Variants in BCAS4 observed in about 807,000 individuals in gnomAD.
BCAS4 encodes breast carcinoma-amplified sequence 4.
In BCAS4, 9 loss-of-function variants were observed where a neutral mutation model predicts 15.7. That is an observed-to-expected ratio of 0.57 (90% CI 0.34 to 1.00). BCAS4 has a LOEUF of 1.00. Among genes scored for constraint, BCAS4 ranks in the 50% least tolerant of loss-of-function variants. The pLI, the probability that BCAS4 is intolerant of heterozygous loss-of-function variation, is 0.02. For synonymous variants in BCAS4, 101 were observed against 99.5 expected, an observed-to-expected ratio of 1.02 and a Z score of -0.09; for missense variants, 225 against 239.1, an observed-to-expected ratio of 0.94 and a Z score of 0.39.
At chr20:50,840,473 T>C (rs1349655905) in intron 3 of BCAS4, 45 of 1,008,266 alleles carry the variant, frequency 4.5e-5, no homozygotes, top group Non-Finnish European at 5.5e-5. Flanking sequence ...TTGTCAGTAG[T>C]TCTTTGATGT....
At chr20:50,845,919 T>G (rs2088538136) in intron 4 of BCAS4, among the ~76,000 whole-genome samples, 1 of 152,238 alleles carries the variant, frequency 6.6e-6, no homozygotes, top group African/African-American at 2.4e-5. Flanking sequence ...TTGGTGCTGG[T>G]GTGGACATTG....
chr20:50,841,019 G>A (rs2088473892), intron 3 of BCAS4: 1 of 386,052 alleles, frequency 2.6e-6, no homozygotes, highest in Non-Finnish European at 4.9e-6. Context: ...TAGCAGAGAC[G>A]CAGTTTCACC....
chr20:50,868,986 C>T (rs138237498), intron 4 of BCAS4, among the ~76,000 whole-genome samples: 3 of 152,322 alleles, frequency 2.0e-5, no homozygotes, highest in Non-Finnish European at 4.4e-5. Context: ...TTCTGCCATC[C>T]GTAGCATGTG....
At chr20:50,841,702 G>T (rs965844636) in intron 3 of BCAS4, 64 bp from the exon 4 acceptor site, 6 of 1,609,418 alleles carry the variant, frequency 3.7e-6, no homozygotes, top group Non-Finnish European at 5.1e-6. Flanking sequence ...AGCCCAGGGA[G>T]TGTGGCCAGG....
chr20:50,817,936 G>A (rs974352586), intron 1 of BCAS4, among the ~76,000 whole-genome samples: 5 of 151,932 alleles, frequency 3.3e-5, no homozygotes, highest in African/African-American at 9.7e-5. Context: ...TGGAGGATAC[G>A]GGTAGCTTTG....
intron 4 of BCAS4, among the ~76,000 whole-genome samples, chr20:50,847,015 G>GAA (rs2088554254): frequency 6.6e-6 from 1 of 152,170 alleles, no homozygotes; most frequent in Non-Finnish European, 1.5e-5. Flanking sequence ...TTGCTTGCTA[G>GAA]AAAACTGTTT....
At chr20:50,872,851 C>T (rs1041454371) in intron 4 of BCAS4, among the ~76,000 whole-genome samples, 1 of 152,232 alleles carries the variant, frequency 6.6e-6, no homozygotes, top group Non-Finnish European at 1.5e-5. Flanking sequence ...GGAGCGGCAC[C>T]AGCCTCTGCA....
chr20:50,858,004 C>T (rs551502473), intron 4 of BCAS4, among the ~76,000 whole-genome samples: 1 of 152,298 alleles, frequency 6.6e-6, no homozygotes, highest in South Asian at 2.1e-4. Flanking sequence ...CGTCCCCACA[C>T]AGTCCCCTCT....
At chr20:50,861,338 A>G (rs993239198) in intron 4 of BCAS4, among the ~76,000 whole-genome samples, 2 of 152,142 alleles carry the variant, frequency 1.3e-5, no homozygotes, top group African/African-American at 4.8e-5. Context: ...TCATTCCCTT[A>G]TCGTTTCTCT....
chr20:50,861,265 T>C (rs2123835961), intron 4 of BCAS4, among the ~76,000 whole-genome samples: 1 of 152,234 alleles, frequency 6.6e-6, no homozygotes, highest in Middle Eastern at 3.4e-3. Context: ...GTTCCCTGCG[T>C]GGTGAGGGGC....
Position 50,806,233 on chromosome 20 carries a change from A to G in BCAS4, c.90+11060A>G, listed in dbSNP as rs576857982. 5.4e-4 allele frequency among the ~76,000 whole-genome samples: 83 copies of G among 152,352 alleles called. 1 individual carries two copies. The highest frequency in any genetic ancestry group is 3.4e-3 in the Middle Eastern group (1 of 294). On this transcript the variant is annotated intron_variant, in intron 1 of 4. Coordinates refer to ENST00000371608, the MANE Select transcript of BCAS4 (RefSeq NM_198799.4). ...TCTCACAATTTTCAAATGGGGAGTC[A>G]GAAGCACAGAGATGGTGAGAGGTGC...
chr20:50,796,416 T>C (rs1454700283), intron 1 of BCAS4, among the ~76,000 whole-genome samples: 2 of 135,846 alleles, frequency 1.5e-5, no homozygotes, highest in Non-Finnish European at 3.1e-5. Context: ...TATATACATA[T>C]ATATGAGTTT....
At chr20:50,873,458 G>A (rs867192498) in intron 4 of BCAS4, among the ~76,000 whole-genome samples, 1 of 152,228 alleles carries the variant, frequency 6.6e-6, no homozygotes. Flanking sequence ...CCCTAGTCAT[G>A]TGTCAGGATG....
intron 4 of BCAS4, among the ~76,000 whole-genome samples, chr20:50,862,375 C>T (rs1050626867): frequency 2.0e-4 from 31 of 152,252 alleles, no homozygotes; most frequent in Non-Finnish European, 7.4e-5. Flanking sequence ...CCTTTCTCTC[C>T]CTCTTAAAAA....
chr20:50,832,615 T>C (rs2088357662), intron 3 of BCAS4: 1 of 152,258 alleles, frequency 6.6e-6, no homozygotes, highest in African/African-American at 2.4e-5. Flanking sequence ...ATGTGCCTTA[T>C]GGGGCTAAAG....
chr20:50,855,328 C>T (rs969103875), intron 4 of BCAS4, among the ~76,000 whole-genome samples: 5 of 152,148 alleles, frequency 3.3e-5, no homozygotes, highest in East Asian at 3.9e-4. Context: ...ATGTCTCTTG[C>T]GTTCATCTTG....
chr20:50,841,959 C>T lies in BCAS4; in HGVS notation c.399+59C>T, dbSNP rs1319831628. ...CCTCTCCCCCTTCGCTCCGCAGACCCCAGCGTGGGGAGGAGCATGCAGGAA... is the reference window on the plus strand; with the variant it reads ...CCTCTCCCCCTTCGCTCCGCAGACCTCAGCGTGGGGAGGAGCATGCAGGAA... On this transcript the variant is annotated intron_variant, in intron 4 of 4. Transcript: ENST00000371608. 5 of 1,498,600 alleles carry T rather than the reference C, an allele frequency of 3.3e-6. No individual in the cohort carries two copies. In the African/African-American group the frequency reaches 7.1e-5, roughly 21 times the overall value. The allele number at this position is 1,498,600 out of a possible 1,614,324, so 92.8% of individuals were successfully genotyped here.
In BCAS4 at chr20:50,875,490, C is replaced by G. The variant is rs563322951; in HGVS notation, c.400-996C>G. On this transcript the variant is annotated intron_variant, in intron 4 of 4. Transcript: ENST00000371608. ...GGAAGAAAAATCAGTCCTGGCCGGGCGCGGTGGCTCACGCCTGTCATCCTA... is the reference window on the plus strand; with the variant it reads ...GGAAGAAAAATCAGTCCTGGCCGGGGGCGGTGGCTCACGCCTGTCATCCTA... 3.3e-5 allele frequency among the ~76,000 whole-genome samples: 5 copies of G among 151,594 alleles called. No homozygotes were observed. In the East Asian group the frequency reaches 9.7e-4, roughly 30 times the overall value.
chr20:50,805,546 T>C (rs1215181680), intron 1 of BCAS4, among the ~76,000 whole-genome samples: 1 of 152,176 alleles, frequency 6.6e-6, no homozygotes, highest in Admixed American at 6.5e-5. Flanking sequence ...CCCATTTAAA[T>C]AGGGCCTGGG....
Sources: gnomAD v4.1 joint callset for allele counts (sites outside exome capture counted in the v4.1 genomes callset) on GRCh38, gnomAD v4.1.1 for gene constraint, MANE v1.5 for transcripts, NCBI Gene and HGNC (gene_info 2026-07-23, HGNC 2026-07-21) for gene names.